Variants in CCNB1 observed in about 807,000 individuals in gnomAD.
CCNB1 encodes G2/mitotic-specific cyclin-B1.
CCNB1 carries 26 observed loss-of-function variants against 44.4 expected under a neutral mutation model. The ratio of observed to expected loss-of-function variants is 0.59; its 90% confidence interval spans 0.43 to 0.81. The LOEUF (loss-of-function observed/expected upper bound fraction) is 0.81. Among genes scored for constraint, CCNB1 ranks in the 40% least tolerant of loss-of-function variants. CCNB1 has a pLI of 0.00. For synonymous variants in CCNB1, 195 were observed against 181.4 expected (o/e 1.08, Z -0.60); for missense variants, 477 against 520.9 (o/e 0.92, Z 0.82).
intron 1 of CCNB1, chr5:69,167,496 G>T: frequency 1.7e-6 from 1 of 577,386 alleles, no homozygotes; most frequent in Non-Finnish European, 3.1e-6. Flanking sequence ...GTGAGAAAGA[G>T]AACTGGACGG....
chr5:69,169,632 C>G (rs552378837), intron 3 of CCNB1, among the ~76,000 whole-genome samples: 16 of 152,062 alleles, frequency 1.1e-4, no homozygotes, highest in African/African-American at 3.9e-4. Context: ...TCCCCCATCT[C>G]CACCCCCTGT....
In CCNB1 at chr5:69,167,893, T is replaced by G; in HGVS notation, c.22-15T>G. 3 of 1,603,316 alleles carry G rather than the reference T, an allele frequency of 1.9e-6. No homozygotes were observed. Among genetic ancestry groups the G allele is most frequent in the Non-Finnish European group, 2.6e-6 (3 of 1,175,362 alleles). On this transcript the variant is annotated splice_polypyrimidine_tract_variant and intron_variant, in intron 1 of 8. Transcript: ENST00000256442. Reference sequence around the variant, plus strand: ...CTTCGTGGATCAGCTCTTAAAGTGGTCTTGCTTCTTTCAGAACTCGAAAAT... The same window carrying G: ...CTTCGTGGATCAGCTCTTAAAGTGGGCTTGCTTCTTTCAGAACTCGAAAAT...
chr5:69,176,488 C>T (rs1747593736), intron 7 of CCNB1, among the ~76,000 whole-genome samples: 1 of 151,264 alleles, frequency 6.6e-6, no homozygotes, highest in South Asian at 2.1e-4. Context: ...TCCCGAGTAG[C>T]TGGGACTACA....
At chr5:69,169,546 CTG>C (rs1034312632) in intron 3 of CCNB1, among the ~76,000 whole-genome samples, 18 of 152,090 alleles carry the variant, frequency 1.2e-4, no homozygotes, top group African/African-American at 4.1e-4. Context: ...CTTCCCCACC[CTG>C]TCTTTCATTT....
At chr5:69,169,773 T>C (rs1191281527) in intron 3 of CCNB1, among the ~76,000 whole-genome samples, 1 of 152,088 alleles carries the variant, frequency 6.6e-6, no homozygotes, top group African/African-American at 2.4e-5. Flanking sequence ...TGCTTCAGCC[T>C]CCCAAGTAGC....
rs527515881 is a variant in CCNB1 at position 69,168,277 on chromosome 5, AGAGCCAGAACCT to A, written c.315_326del (p.Glu106_Pro109del). 2.9e-4 allele frequency: 470 copies of A among 1,614,100 alleles called. 2 individuals are homozygous for A. The highest frequency in any genetic ancestry group is 2.1e-3 in the East Asian group (93 of 44,886). On this transcript the variant is annotated inframe_deletion, in exon 3 of 9. Transcript: ENST00000256442. ...CAGTGCCAGTGTCTGAGCCAGTGCC[AGAGCCAGAACCT>A]GAGCCAGAACCTGAGCCTGTTAAAG...
intron 1 of CCNB1, among the ~76,000 whole-genome samples, 165 bp from the exon 2 acceptor site, chr5:69,167,743 A>G (rs186076511): frequency 7.9e-5 from 12 of 152,096 alleles, no homozygotes; most frequent in African/African-American, 2.9e-4. Flanking sequence ...GCGGAAACTG[A>G]CTTGTCACGG....
In CCNB1 at chr5:69,168,329, C is replaced by T; in HGVS notation, c.349C>T (p.Pro117Ser). 1 of 1,614,154 alleles carries T rather than the reference C, an allele frequency of 6.2e-7. No homozygotes were observed. The highest frequency in any genetic ancestry group is 8.5e-7 in the Non-Finnish European group (1 of 1,180,030). ...GCCTGTTAAAGAAGAAAAACTTTCGCCTGAGCCTATTTTGGTAAACTTATT... is the reference window on the plus strand; with the variant it reads ...GCCTGTTAAAGAAGAAAAACTTTCGTCTGAGCCTATTTTGGTAAACTTATT... ...PEPVKEEKLS[P>S]EPILVDTASP... The change falls in exon 3 of 9, where the codon CCT becomes TCT. Residue 117 changes from proline to serine, a missense_variant. Pro to Ser is a moderately conservative substitution (Grantham distance 74). Transcript: ENST00000256442.
rs1265958354 is a variant in CCNB1 at position 69,168,247 on chromosome 5, G to GGTGCCA, written c.277_282dup (p.Pro93_Val94dup). On this transcript the variant is annotated inframe_insertion, in exon 3 of 9. Transcript: ENST00000256442. ...AACCTCTTGAAAAGGTACCTATGCT[G>GGTGCCA]GTGCCAGTGCCAGTGTCTGAGCCAG... is the stretch of plus-strand genomic sequence containing the variant. 3 of 1,614,166 alleles carry GGTGCCA rather than the reference G, an allele frequency of 1.9e-6. No individual in the cohort carries two copies. Among genetic ancestry groups the GGTGCCA allele is most frequent in the East Asian group, 4.5e-5 (2 of 44,894 alleles).
At chr5:69,171,860 G>A (rs2112051562) in intron 4 of CCNB1, among the ~76,000 whole-genome samples, 1 of 152,320 alleles carries the variant, frequency 6.6e-6, no homozygotes, top group African/African-American at 2.4e-5. Flanking sequence ...TTTTGTGTTA[G>A]TGTGGCTGAT....
At chr5:69,175,912 T>C (rs183597379) in intron 7 of CCNB1, among the ~76,000 whole-genome samples, 280 of 150,346 alleles carry the variant, frequency 1.9e-3, no homozygotes, top group Middle Eastern at 3.4e-3. Flanking sequence ...ATCACACTTA[T>C]GAACTACAAA....
chr5:69,172,578 G>A (rs755132871), intron 4 of CCNB1, among the ~76,000 whole-genome samples: 2 of 151,772 alleles, frequency 1.3e-5, no homozygotes, highest in Non-Finnish European at 2.9e-5. Context: ...CTAATGTGTT[G>A]TCTTATGTCA....
intron 7 of CCNB1, among the ~76,000 whole-genome samples, chr5:69,175,857 G>A (rs1451124841): frequency 1.3e-5 from 2 of 151,608 alleles, no homozygotes; most frequent in Non-Finnish European, 2.9e-5. Context: ...ATTGTAACAA[G>A]GTTTGAGGGT....
At chr5:69,171,514 C>A in intron 4 of CCNB1, 62 bp downstream of exon 4, 2 of 1,228,930 alleles carry the variant, frequency 1.6e-6, no homozygotes, top group Non-Finnish European at 2.3e-6. Context: ...TATTTTCCAT[C>A]AATAGTTTAT....
chr5:69,173,259 T>C (rs1427435436), intron 4 of CCNB1, among the ~76,000 whole-genome samples: 1 of 152,136 alleles, frequency 6.6e-6, no homozygotes, highest in Non-Finnish European at 1.5e-5. Context: ...GGCTGTAAGA[T>C]GTAGATCTCT....
chr5:69,169,498 C>T (rs893976272), intron 3 of CCNB1, among the ~76,000 whole-genome samples: 1 of 152,210 alleles, frequency 6.6e-6, no homozygotes, highest in South Asian at 2.1e-4. Context: ...AAGGCCCATA[C>T]TGATTCTTAC....
Position 69,175,394 on chromosome 5 carries a change from C to T in CCNB1, c.943-3C>T, listed in dbSNP as rs1483592303. The T allele has an allele frequency of 1.2e-6, 2 of 1,611,872 alleles. No individual in the cohort carries two copies. Among genetic ancestry groups the T allele is most frequent in the Non-Finnish European group, 8.5e-7 (1 of 1,179,286 alleles). The stretch of plus-strand genomic sequence containing the variant: ...AAACTCAGTAACATGGGTTTTGTTT[C>T]AGGTTGATGTCGAGCAACATACTTT... On this transcript the variant is annotated splice_polypyrimidine_tract_variant and splice_region_variant and intron_variant, in intron 6 of 8. Transcript: ENST00000256442.
At chr5:69,172,769 CTTTTT>C (rs922322066) in intron 4 of CCNB1, among the ~76,000 whole-genome samples, 1 of 96,814 alleles carries the variant, frequency 1.0e-5, no homozygotes, top group African/African-American at 4.1e-5. Flanking sequence ...TGTGCTGTTT[CTTTTT>C]TTTTTTTTTT....
At chr5:69,169,734 C>G (rs1747417045) in intron 3 of CCNB1, among the ~76,000 whole-genome samples, 1 of 152,080 alleles carries the variant, frequency 6.6e-6, no homozygotes, top group African/African-American at 2.4e-5. Context: ...CTCACCACAA[C>G]CTCTGCCTCC....
Sources: gnomAD v4.1 joint callset for allele counts (sites outside exome capture counted in the v4.1 genomes callset) on GRCh38, gnomAD v4.1.1 for gene constraint, MANE v1.5 for transcripts, NCBI Gene and HGNC (gene_info 2026-07-23, HGNC 2026-07-21) for gene names.